Variants in MASP1 observed in about 807,000 individuals in gnomAD.
MASP1 encodes the protein mannan-binding lectin serine protease 1.
In MASP1, 59 loss-of-function variants were observed where a neutral mutation model predicts 77.1. The ratio of observed to expected loss-of-function variants is 0.77; its 90% CI spans 0.62 to 0.95. MASP1 has a LOEUF of 0.95. MASP1 is among the 40% of genes least tolerant of loss of function. The pLI is 0.00. For missense variants in MASP1, 885 were observed against 912.9 expected (o/e 0.97, Z 0.39); for synonymous variants, 362 against 354.5 (o/e 1.02, Z -0.24).
At chr3:187,291,472 G>T in intron 1 of MASP1, 156 bp downstream of exon 1, 1 of 1,000,934 alleles carries the variant, frequency 1.0e-6, no homozygotes, top group Non-Finnish European at 1.6e-6. Context: ...CCCACCCACA[G>T]CTCCCTTCTC....
intron 15 of MASP1, chr3:187,220,279 A>G: frequency 6.2e-7 from 1 of 1,611,856 alleles, no homozygotes; most frequent in Non-Finnish European, 8.5e-7. Context: ...AAAAAGAGAC[A>G]TAGATGAAGA....
chr3:187,247,415 T>A (rs749660243), intron 8 of MASP1: 3 of 1,613,414 alleles, frequency 1.9e-6, no homozygotes, highest in East Asian at 4.5e-5. Context: ...CAAAGAGGGA[T>A]CAAGAGATAC....
intron 2 of MASP1, among the ~76,000 whole-genome samples, chr3:187,273,196 A>G (rs758371161): frequency 1.2e-4 from 18 of 152,290 alleles, no homozygotes; most frequent in Non-Finnish European, 2.4e-4. Context: ...ATCTCGCTGA[A>G]GCCATCAGCA....
intron 11 of MASP1, among the ~76,000 whole-genome samples, chr3:187,227,442 G>A (rs1161433282): frequency 3.3e-5 from 5 of 152,130 alleles, no homozygotes; most frequent in Non-Finnish European, 5.9e-5. Flanking sequence ...CACCTCTTAT[G>A]TGGAGCAGAT....
At chr3:187,227,816 C>A (rs1239593694) in intron 11 of MASP1, among the ~76,000 whole-genome samples, 1 of 152,162 alleles carries the variant, frequency 6.6e-6, no homozygotes, top group Non-Finnish European at 1.5e-5. Context: ...CAGGGGTGTA[C>A]ACTGGCCAGT....
At chr3:187,232,838 G>A (rs923918891), downstream of MASP1, among the ~76,000 whole-genome samples, 1 of 152,164 alleles carries the variant, frequency 6.6e-6, no homozygotes, top group Non-Finnish European at 1.5e-5. Flanking sequence ...AAACCATAAA[G>A]TGCAAAGCGT....
intron 7 of MASP1, among the ~76,000 whole-genome samples, chr3:187,250,961 CT>C (rs933181487): frequency 3.9e-5 from 6 of 151,926 alleles, no homozygotes; most frequent in Non-Finnish European, 7.4e-5. Flanking sequence ...CCATCTGTTC[CT>C]TTTTTTATTT....
chr3:187,258,607 T>C (rs960314040), intron 4 of MASP1, among the ~76,000 whole-genome samples: 11 of 152,202 alleles, frequency 7.2e-5, no homozygotes, highest in African/African-American at 2.7e-4. Flanking sequence ...TCCCAGACTA[T>C]GAGGACGGCC....
intron 2 of MASP1, among the ~76,000 whole-genome samples, chr3:187,275,243 G>A (rs1044767714): frequency 3.9e-5 from 6 of 152,314 alleles, no homozygotes; most frequent in Admixed American, 6.5e-5. Flanking sequence ...TAGCCAGGAC[G>A]TGGGTGAAGG....
At chr3:187,229,945 T>C (rs186717958), downstream of MASP1, 111 of 1,608,860 alleles carry the variant, frequency 6.9e-5, no homozygotes, top group African/African-American at 1.2e-3. Context: ...CTGGGCTCCA[T>C]CTTGCCCACT....
At chr3:187,267,772 A>G (rs1716164936) in intron 2 of MASP1, among the ~76,000 whole-genome samples, 1 of 152,178 alleles carries the variant, frequency 6.6e-6, no homozygotes, top group African/African-American at 2.4e-5. Context: ...CCTTAGGTAG[A>G]ATTGACTTAT....
exon 16 of MASP1, chr3:187,219,994 A>G: frequency 6.7e-7 from 1 of 1,498,962 alleles, no homozygotes; most frequent in South Asian, 1.2e-5. Context: ...GAAAGGAGAA[A>G]TGGCTGCTTT....
At chr3:187,271,526 A>G (rs1716515230) in intron 2 of MASP1, among the ~76,000 whole-genome samples, 1 of 152,222 alleles carries the variant, frequency 6.6e-6, no homozygotes, top group African/African-American at 2.4e-5. Context: ...ATATTAAGTG[A>G]AAAAGCAGAA....
intron 2 of MASP1, among the ~76,000 whole-genome samples, chr3:187,266,010 T>G (rs1449757410): frequency 3.3e-5 from 5 of 152,186 alleles, no homozygotes; most frequent in African/African-American, 1.2e-4. Flanking sequence ...ATAGGCAGAT[T>G]GAGACCTAGC....
At chr3:187,271,540 A>G (rs1560028272) in intron 2 of MASP1, among the ~76,000 whole-genome samples, 1 of 152,244 alleles carries the variant, frequency 6.6e-6, no homozygotes, top group Non-Finnish European at 1.5e-5. Flanking sequence ...AGCAGAAAAA[A>G]TAGTATATAT....
At position 187,250,257 on chromosome 3, in the gene MASP1, A is replaced by C; in HGVS notation, c.1084T>G (p.Cys362Gly). Reference sequence around the variant, plus strand: ...ACCCATTAGGCTTTCTTACTTTTACAGGTGGGAATCTTGTTACTCCACGTC... The same window carrying C: ...ACCCATTAGGCTTTCTTACTTTTACCGGTGGGAATCTTGTTACTCCACGTC... The part of the protein sequence containing the change: ...DGTWSNKIPT[C>G]KIVDCRAPGE... The change falls in exon 8 of 11, where the codon TGT becomes GGT. Residue 362 changes from cysteine to glycine, a missense_variant. Physicochemically the swap from Cys to Gly is radical, Grantham distance 159. Transcript: ENST00000296280. The C allele has an allele frequency of 6.2e-7, 1 of 1,613,310 alleles. No homozygotes were observed. Among genetic ancestry groups the C allele is most frequent in the Non-Finnish European group, 8.5e-7 (1 of 1,179,256 alleles).
chr3:187,219,896 A>G (rs1579451596), exon 16 of MASP1: 2 of 683,144 alleles, frequency 2.9e-6, no homozygotes, highest in South Asian at 3.4e-5. Flanking sequence ...CTCTTGCTCC[A>G]TCTCTTTAAA....
chr3:187,229,205 G>A (rs752937565), downstream of MASP1, among the ~76,000 whole-genome samples: 1 of 152,110 alleles, frequency 6.6e-6, no homozygotes, highest in Non-Finnish European at 1.5e-5. Context: ...CATTACAAAG[G>A]TGACAGTCCT....
At chr3:187,221,165 C>A in intron 14 of MASP1, 1 of 1,560,260 alleles carries the variant, frequency 6.4e-7, no homozygotes, top group Non-Finnish European at 8.8e-7. Flanking sequence ...TGGTCCTCAT[C>A]CCCGGCTGAG....
Sources: allele counts gnomAD v4.1 joint callset (sites outside exome capture counted in the v4.1 genomes callset), GRCh38; gene constraint gnomAD v4.1.1; transcripts MANE v1.5; gene names NCBI Gene and HGNC (gene_info 2026-07-23, HGNC 2026-07-21).